The following LINGO2 variants were observed in gnomAD, a reference collection of about 807,000 sequenced individuals.
LINGO2 encodes leucine-rich repeat and immunoglobulin-like domain-containing nogo receptor-interacting protein 2.
LINGO2 carries 14 observed loss-of-function variants against 30.6 expected under a neutral mutation model. The observed-to-expected ratio is 0.46, with a 90% confidence interval of 0.30 to 0.72. The LOEUF (loss-of-function observed/expected upper bound fraction) is 0.72, where lower values mean the gene tolerates loss of function less well. LINGO2 is among the 30% of genes least tolerant of loss of function. LINGO2 has a pLI of 0.07. For missense variants in LINGO2, 729 were observed against 751.7 expected, an observed-to-expected ratio of 0.97 and a Z score of 0.35; for synonymous variants, 317 against 288.5, an observed-to-expected ratio of 1.10 and a Z score of -1.00.
the LINGO2 span, among the ~76,000 whole-genome samples, chr9:28,788,218 A>G: frequency 6.6e-6 from 1 of 152,216 alleles, no homozygotes; most frequent in Admixed American, 6.5e-5. Flanking sequence ...AAAATTCATT[A>G]AAAAGCCAGT....
At chr9:28,234,599 G>A (rs1054050077) in intron 4 of LINGO2, among the ~76,000 whole-genome samples, 2 of 152,214 alleles carry the variant, frequency 1.3e-5, no homozygotes, top group East Asian at 1.9e-4. Flanking sequence ...CAGACTTGCT[G>A]AGGCTTCCAG....
intron 5 of LINGO2, among the ~76,000 whole-genome samples, chr9:27,988,338 G>A (rs1821226494): frequency 6.6e-6 from 1 of 152,030 alleles, no homozygotes; most frequent in Non-Finnish European, 1.5e-5. Flanking sequence ...ATAGCAGCAT[G>A]ATTTATAATC....
intron 2 of LINGO2, among the ~76,000 whole-genome samples, chr9:28,435,383 T>C (rs1257669975): frequency 6.6e-6 from 1 of 152,198 alleles, no homozygotes; most frequent in Non-Finnish European, 1.5e-5. Flanking sequence ...AGGGTTATTG[T>C]GCTTTGTGGC....
intron 2 of LINGO2, among the ~76,000 whole-genome samples, chr9:28,462,710 G>A (rs1825132897): frequency 6.6e-6 from 1 of 151,904 alleles, no homozygotes; most frequent in Middle Eastern, 3.2e-3. Flanking sequence ...AAATATCTTT[G>A]GGCATTTTCT....
At chr9:28,183,878 G>A (rs1038510739) in intron 4 of LINGO2, among the ~76,000 whole-genome samples, 1 of 152,176 alleles carries the variant, frequency 6.6e-6, no homozygotes, top group Non-Finnish European at 1.5e-5. Context: ...AGAGGAATAG[G>A]TTTGGAATAA....
intron 1 of LINGO2, among the ~76,000 whole-genome samples, chr9:28,606,547 G>T (rs1467030221): frequency 2.0e-5 from 3 of 151,886 alleles, no homozygotes; most frequent in Admixed American, 6.6e-5. Flanking sequence ...ACAGACTGAG[G>T]GAAATTCTCA....
chr9:28,859,316 C>G, the LINGO2 span, among the ~76,000 whole-genome samples: 1 of 151,974 alleles, frequency 6.6e-6, no homozygotes, highest in South Asian at 2.1e-4. Context: ...TACAGTGCTG[C>G]TCAGTTACAC....
At chr9:28,480,529 T>C (rs1431565292) in intron 1 of LINGO2, among the ~76,000 whole-genome samples, 2 of 152,012 alleles carry the variant, frequency 1.3e-5, no homozygotes, top group African/African-American at 4.8e-5. Flanking sequence ...AAATTGTAGA[T>C]TGAAGTGTTT....
At chr9:28,877,181 T>A in the LINGO2 span, among the ~76,000 whole-genome samples, 1 of 151,208 alleles carries the variant, frequency 6.6e-6, no homozygotes, top group Non-Finnish European at 1.5e-5. Flanking sequence ...GTTGCAAAAA[T>A]TTTCTCCCAT....
rs548225661 is a variant in LINGO2 at position 28,423,043 on chromosome 9, T to C, written c.-278-50175A>G. 3.9e-5 allele frequency among the ~76,000 whole-genome samples: 6 copies of C among 152,136 alleles called. No homozygotes were observed. The South Asian group carries it at 1.2e-3, about 32-fold the overall frequency. On this transcript the variant is annotated intron_variant, in intron 2 of 5. Transcript: ENST00000379992. ...GGAGGAAGGAGGGATGGAAAGTTAT[T>C]TGTTCATGGATACAGATTTCCAGTT...
the LINGO2 span, among the ~76,000 whole-genome samples, chr9:29,143,873 G>C: frequency 6.6e-6 from 1 of 152,110 alleles, no homozygotes. Context: ...GTATTGCCTA[G>C]ATTTTCTTCT....
intron 5 of LINGO2, among the ~76,000 whole-genome samples, chr9:27,994,253 G>C (rs1821543448): frequency 6.6e-6 from 1 of 151,568 alleles, no homozygotes; most frequent in Admixed American, 6.6e-5. Context: ...AGAAAAGTGA[G>C]AACAAACCAA....
intron 4 of LINGO2, among the ~76,000 whole-genome samples, chr9:28,162,519 G>A (rs1434639729): frequency 6.6e-6 from 1 of 152,114 alleles, no homozygotes; most frequent in African/African-American, 2.4e-5. Context: ...ATGGTGTCAA[G>A]AGGAATAAGT....
At chr9:29,186,405 C>T in the LINGO2 span, among the ~76,000 whole-genome samples, 6 of 151,960 alleles carry the variant, frequency 3.9e-5, no homozygotes, top group African/African-American at 1.2e-4. Flanking sequence ...AGGAATGGTT[C>T]GGGTCACATA....
upstream of LINGO2, among the ~76,000 whole-genome samples, chr9:28,673,080 G>T (rs1222135075): frequency 3.3e-5 from 5 of 152,100 alleles, no homozygotes; most frequent in Non-Finnish European, 5.9e-5. Context: ...ACTTACAATA[G>T]CATTGTGTTT....
chr9:28,516,293 A>T (rs1185673759), intron 1 of LINGO2, among the ~76,000 whole-genome samples: 1 of 152,154 alleles, frequency 6.6e-6, no homozygotes, highest in African/African-American at 2.4e-5. Context: ...CTTCTGATAT[A>T]GGTAGGATCA....
chr9:28,445,820 A>G (rs1329057046), intron 2 of LINGO2, among the ~76,000 whole-genome samples: 1 of 152,192 alleles, frequency 6.6e-6, no homozygotes, highest in Non-Finnish European at 1.5e-5. Context: ...TCCTGTGGCT[A>G]TAATTCCTTT....
At chr9:28,009,326 T>C (rs887998740) in intron 5 of LINGO2, among the ~76,000 whole-genome samples, 3 of 149,148 alleles carry the variant, frequency 2.0e-5, no homozygotes, top group Non-Finnish European at 3.0e-5. Context: ...TTAGCTAAGA[T>C]CTTCTTACAG....
At chr9:28,616,328 C>T (rs987241543) in intron 1 of LINGO2, among the ~76,000 whole-genome samples, 1 of 152,084 alleles carries the variant, frequency 6.6e-6, no homozygotes, top group African/African-American at 2.4e-5. Context: ...TGCACATACA[C>T]ACATGTGAAA....
Sources: gnomAD v4.1 joint callset for allele counts (sites outside exome capture counted in the v4.1 genomes callset) on GRCh38, gnomAD v4.1.1 for gene constraint, MANE v1.5 for transcripts, NCBI Gene and HGNC (gene_info 2026-07-23, HGNC 2026-07-21) for gene names.